KYNU: variants seen among roughly 807,000 people sequenced by gnomAD.
KYNU encodes L-kynurenine hydrolase.
Under a neutral mutation model 59.2 loss-of-function variants are expected in KYNU, and 54 were observed. That is an observed-to-expected ratio of 0.91 (90% CI 0.73 to 1.14). KYNU has a LOEUF of 1.14. KYNU is among the 50% of genes most tolerant of loss of function. KYNU has a pLI of 0.00. For missense variants in KYNU, 567 were observed against 554.4 expected (o/e 1.02, Z -0.23); for synonymous variants, 177 against 192.0 (o/e 0.92, Z 0.65).
At chr2:142,967,732 A>C (rs1684592020) in intron 8 of KYNU, among the ~76,000 whole-genome samples, 1 of 152,146 alleles carries the variant, frequency 6.6e-6, no homozygotes, top group Non-Finnish European at 1.5e-5. Flanking sequence ...CCATTGAGTG[A>C]TCAAGCCTCA....
chr2:142,988,874 A>G, intron 10 of KYNU: 1 of 1,608,848 alleles, frequency 6.2e-7, no homozygotes, highest in African/African-American at 1.3e-5. Context: ...TAGGAATGGA[A>G]TGCAACAGAT....
chr2:143,040,182 C>T (rs1687000469), intron 12 of KYNU, among the ~76,000 whole-genome samples: 1 of 152,014 alleles, frequency 6.6e-6, no homozygotes, highest in Non-Finnish European at 1.5e-5. Flanking sequence ...CTTACATTTT[C>T]TTCCTTTGCA....
intron 11 of KYNU, among the ~76,000 whole-genome samples, chr2:143,031,793 T>A (rs905497178): frequency 6.6e-6 from 1 of 152,146 alleles, no homozygotes; most frequent in African/African-American, 2.4e-5. Flanking sequence ...TAGTCTGTTT[T>A]CACACTGCTA....
intron 10 of KYNU, among the ~76,000 whole-genome samples, chr2:143,014,940 C>G (rs908037368): frequency 2.0e-5 from 3 of 152,166 alleles, no homozygotes; most frequent in African/African-American, 7.2e-5. Context: ...GTCACCCAGG[C>G]CGGAGTGCAG....
intron 10 of KYNU, among the ~76,000 whole-genome samples, chr2:143,009,286 A>G (rs1686016250): frequency 1.2e-5 from 1 of 83,294 alleles, no homozygotes; most frequent in Non-Finnish European, 2.2e-5. Flanking sequence ...AAACACCTCT[A>G]CGCAAATAAA....
intron 10 of KYNU, among the ~76,000 whole-genome samples, chr2:143,027,886 T>C (rs1262757706): frequency 6.6e-6 from 1 of 152,180 alleles, no homozygotes; most frequent in Non-Finnish European, 1.5e-5. Flanking sequence ...GATGTTTCTT[T>C]ACTAGAATTA....
intron 3 of KYNU, among the ~76,000 whole-genome samples, chr2:142,919,244 G>A (rs1682784823): frequency 6.6e-6 from 1 of 152,128 alleles, no homozygotes; most frequent in African/African-American, 2.4e-5. Flanking sequence ...GCAAGCTAGT[G>A]GCAGAATCAG....
At chr2:142,988,603 A>G (rs371833920) in intron 10 of KYNU, among the ~76,000 whole-genome samples, 1 of 151,906 alleles carries the variant, frequency 6.6e-6, no homozygotes, top group East Asian at 1.9e-4. Flanking sequence ...TTGGAAAATT[A>G]TATGTTATTA....
chr2:143,028,588 G>C (rs1378764338), intron 10 of KYNU, among the ~76,000 whole-genome samples: 4 of 148,968 alleles, frequency 2.7e-5, no homozygotes, highest in African/African-American at 9.8e-5. Context: ...GCTCAGGCCT[G>C]TAATCCCAGC....
intron 2 of KYNU, among the ~76,000 whole-genome samples, chr2:142,894,133 A>G (rs1264568877): frequency 6.6e-6 from 1 of 152,218 alleles, no homozygotes; most frequent in Non-Finnish European, 1.5e-5. Flanking sequence ...TCTCTCCCTC[A>G]GATGCCATAC....
At position 143,042,414 on chromosome 2, in the gene KYNU, A is replaced by G. The variant is rs1687081045; in HGVS notation, c.*242A>G. 2.5e-6 allele frequency: 1 copy of G among 395,466 alleles called. No homozygotes were observed. The highest frequency in any genetic ancestry group is 4.6e-6 in the Non-Finnish European group (1 of 215,690). The allele number at this position is 395,466 out of a possible 1,614,324, so 24.5% of individuals were successfully genotyped here. On this transcript the variant is annotated 3_prime_UTR_variant, in exon 14 of 14. Transcript: ENST00000264170. Reference sequence around the variant, plus strand: ...AACTGTGTTGGTTCAAGTATTATCTATACAGTCTCTATAAGCTGTCACATT... The same window carrying G: ...AACTGTGTTGGTTCAAGTATTATCTGTACAGTCTCTATAAGCTGTCACATT...
At chr2:143,005,533 T>A (rs571477583) in intron 10 of KYNU, among the ~76,000 whole-genome samples, 12 of 152,154 alleles carry the variant, frequency 7.9e-5, no homozygotes, top group African/African-American at 2.9e-4. Context: ...AAAGGCTCAG[T>A]CATATGTCAG....
At chr2:142,883,655 C>A (rs1035953308) in intron 1 of KYNU, among the ~76,000 whole-genome samples, 2 of 152,128 alleles carry the variant, frequency 1.3e-5, no homozygotes, top group Non-Finnish European at 2.9e-5. Flanking sequence ...TCCTCCAGGT[C>A]CAGGTCTTCA....
Position 143,054,594 on chromosome 2 carries a change from T to C in KYNU, c.*12422T>C, listed in dbSNP as rs931648240. ...GTAATTATGTGCTCAATGTGATGAA[T>C]ATGAAGTAGACTGCACCACTCTGCA... is the stretch of plus-strand genomic sequence containing the variant. On this transcript the variant is annotated 3_prime_UTR_variant, in exon 14 of 14. Transcript: ENST00000264170. 6.6e-6 allele frequency: 1 copy of C among 152,148 alleles called. No individual in the cohort carries two copies. The highest frequency in any genetic ancestry group is 1.5e-5 in the Non-Finnish European group (1 of 68,034). 9.4% of individuals were successfully genotyped at this position (152,148 alleles called of 1,614,324 possible).
intron 4 of KYNU, among the ~76,000 whole-genome samples, chr2:142,931,295 C>G (rs900542337): frequency 2.5e-4 from 38 of 152,202 alleles, no homozygotes; most frequent in African/African-American, 8.2e-4. Flanking sequence ...TTCTCAATAA[C>G]TACTTCACGT....
chr2:143,051,913 G>T lies in KYNU; in HGVS notation c.*9741G>T, dbSNP rs1687273603. 1 of 152,344 alleles carries T rather than the reference G, an allele frequency of 6.6e-6. No individual in the cohort carries two copies. The highest frequency in any genetic ancestry group is 1.5e-5 in the Non-Finnish European group (1 of 68,170). 9.4% of individuals were successfully genotyped at this position (152,344 alleles called of 1,614,324 possible). On this transcript the variant is annotated 3_prime_UTR_variant, in exon 14 of 14. Coordinates refer to ENST00000264170, the MANE Select transcript of KYNU (RefSeq NM_003937.3). ...CTGGGTAACAGGCAGAGGTTGGAATGGTTTGGAGGGCTCATAAGAAGACAG... is the reference window on the plus strand; with the variant it reads ...CTGGGTAACAGGCAGAGGTTGGAATTGTTTGGAGGGCTCATAAGAAGACAG...
At chr2:142,902,218 T>G (rs1045425740) in intron 2 of KYNU, among the ~76,000 whole-genome samples, 2 of 152,180 alleles carry the variant, frequency 1.3e-5, no homozygotes, top group African/African-American at 4.8e-5. Context: ...GCCACTACAT[T>G]AATTTTCTTA....
chr2:143,030,758 G>A (rs1468463672), intron 11 of KYNU, among the ~76,000 whole-genome samples: 2 of 149,270 alleles, frequency 1.3e-5, no homozygotes, highest in East Asian at 3.9e-4. Context: ...CTTACAATGG[G>A]GTTATTTCCT....
At chr2:142,971,339 T>C (rs1169216394) in intron 8 of KYNU, 1 of 152,014 alleles carries the variant, frequency 6.6e-6, no homozygotes, top group Admixed American at 6.6e-5. Flanking sequence ...TGTGTATTCA[T>C]GCTTATGATA....
Sources: gnomAD v4.1 joint callset for allele counts (sites outside exome capture counted in the v4.1 genomes callset) on GRCh38, gnomAD v4.1.1 for gene constraint, MANE v1.5 for transcripts, NCBI Gene and HGNC (gene_info 2026-07-23, HGNC 2026-07-21) for gene names.